PIAS2: variants seen among roughly 807,000 people sequenced by gnomAD.
The protein encoded by PIAS2 is protein inhibitor of activated STAT 2, also known as E3 SUMO-protein ligase PIAS2.
A neutral mutation model predicts 69.7 loss-of-function variants in PIAS2; 19 were observed. The ratio of observed to expected loss-of-function variants is 0.27; its 90% CI spans 0.19 to 0.40. The LOEUF (loss-of-function observed/expected upper bound fraction) is 0.40, where lower values mean the gene tolerates loss of function less well. PIAS2 is among the 10% of genes least tolerant of loss of function. The pLI is 1.00. For missense variants in PIAS2, 624 were observed against 757.0 expected (o/e 0.82, Z 2.06); for synonymous variants, 261 against 263.2 (o/e 0.99, Z 0.08).
chr18:46,875,600 C>G (rs2051051447), intron 2 of PIAS2, among the ~76,000 whole-genome samples: 1 of 152,136 alleles, frequency 6.6e-6, no homozygotes, highest in African/African-American at 2.4e-5. Context: ...AACACTTTCC[C>G]CAAACATATC....
At chr18:46,862,277 G>A (rs2048778312) in intron 3 of PIAS2, among the ~76,000 whole-genome samples, 1 of 152,096 alleles carries the variant, frequency 6.6e-6, no homozygotes, top group Non-Finnish European at 1.5e-5. Flanking sequence ...GTTGCAGTGA[G>A]CCAAGATCAT....
chr18:46,869,057 G>C (rs1270559421), intron 2 of PIAS2, among the ~76,000 whole-genome samples: 1 of 152,236 alleles, frequency 6.6e-6, no homozygotes, highest in African/African-American at 2.4e-5. Flanking sequence ...GCTTGAATGT[G>C]TGTGAATGAG....
At chr18:46,915,227 G>T (rs1250555210) in intron 1 of PIAS2, 1 of 152,136 alleles carries the variant, frequency 6.6e-6, no homozygotes, top group African/African-American at 2.4e-5. Flanking sequence ...TGAAAAAATT[G>T]TGAGAATTAA....
At chr18:46,904,670 G>C (rs969752052) in intron 1 of PIAS2, among the ~76,000 whole-genome samples, 1 of 151,070 alleles carries the variant, frequency 6.6e-6, no homozygotes, top group African/African-American at 2.4e-5. Context: ...AGAATCACTT[G>C]AACCCACGAG....
chr18:46,913,697 T>C (rs1026942381), intron 1 of PIAS2, among the ~76,000 whole-genome samples: 1 of 152,122 alleles, frequency 6.6e-6, no homozygotes, highest in Non-Finnish European at 1.5e-5. Flanking sequence ...GACCACAATA[T>C]TGGAAATATG....
At chr18:46,844,428 G>A (rs944878366) in intron 7 of PIAS2, among the ~76,000 whole-genome samples, 28 of 152,200 alleles carry the variant, frequency 1.8e-4, no homozygotes, top group African/African-American at 5.8e-4. Flanking sequence ...TACCCTGAGC[G>A]TCAAAGCTTT....
At chr18:46,886,104 C>G (rs1162919914) in intron 2 of PIAS2, among the ~76,000 whole-genome samples, 2 of 152,158 alleles carry the variant, frequency 1.3e-5, no homozygotes, top group Admixed American at 1.3e-4. Flanking sequence ...ACTACAGCAT[C>G]TTCACTTAGT....
chr18:46,893,843 T>C (rs989906454), intron 1 of PIAS2, among the ~76,000 whole-genome samples: 1 of 152,068 alleles, frequency 6.6e-6, no homozygotes, highest in African/African-American at 2.4e-5. Context: ...ATCCCTCTCC[T>C]TGGCCAGGCA....
intron 2 of PIAS2, among the ~76,000 whole-genome samples, chr18:46,864,595 ACC>A (rs1881394739): frequency 6.6e-6 from 1 of 152,074 alleles, no homozygotes; most frequent in Non-Finnish European, 1.5e-5. Context: ...ACATGGAGAA[ACC>A]CCATCTCTAC....
intron 10 of PIAS2, among the ~76,000 whole-genome samples, chr18:46,829,045 G>A (rs890786999): frequency 1.8e-4 from 28 of 152,204 alleles, no homozygotes; most frequent in African/African-American, 6.7e-4. Context: ...AACTTCAAAT[G>A]TAATCAGAAC....
chr18:46,917,151 G>A (rs1599210550), intron 1 of PIAS2, 171 bp downstream of exon 1: 6 of 1,054,714 alleles, frequency 5.7e-6, no homozygotes, highest in Non-Finnish European at 4.6e-6. Flanking sequence ...GCCCTCCGCC[G>A]GCCCGCTCCC....
chr18:46,852,652 G>C (rs918180319), intron 5 of PIAS2: 2 of 152,190 alleles, frequency 1.3e-5, no homozygotes, highest in African/African-American at 4.8e-5. Context: ...AAAAGAACTG[G>C]AAGAGTAACA....
chr18:46,896,036 A>C (rs1179759264), intron 1 of PIAS2, among the ~76,000 whole-genome samples: 1 of 152,090 alleles, frequency 6.6e-6, no homozygotes. Context: ...CAGGGAAAAC[A>C]TCTCCCTAAA....
At chr18:46,866,214 A>C (rs1394166330) in intron 2 of PIAS2, among the ~76,000 whole-genome samples, 1 of 152,232 alleles carries the variant, frequency 6.6e-6, no homozygotes, top group Non-Finnish European at 1.5e-5. Flanking sequence ...AAGGATTTAC[A>C]AATCAAACTC....
At chr18:46,856,006 T>TG (rs1441404842) in intron 3 of PIAS2, among the ~76,000 whole-genome samples, 62 of 118,400 alleles carry the variant, frequency 5.2e-4, no homozygotes, top group Middle Eastern at 3.8e-3. Context: ...TGTTTTTTTT[T>TG]TTTTTTTTTT....
intron 5 of PIAS2, among the ~76,000 whole-genome samples, chr18:46,848,739 T>C (rs2046520961): frequency 6.6e-6 from 1 of 151,350 alleles, no homozygotes; most frequent in Non-Finnish European, 1.5e-5. Context: ...TAACTTGCAT[T>C]ATAATATGGA....
At chr18:46,876,061 G>A (rs2051136297) in intron 2 of PIAS2, among the ~76,000 whole-genome samples, 1 of 152,166 alleles carries the variant, frequency 6.6e-6, no homozygotes, top group Non-Finnish European at 1.5e-5. Context: ...GCCATTCCGA[G>A]AGCTGACCTA....
At chr18:46,817,841 A>G in intron 12 of PIAS2, 2 of 961,130 alleles carry the variant, frequency 2.1e-6, no homozygotes, top group Non-Finnish European at 2.5e-6. Context: ...GTCTTCTTGC[A>G]TTTTACATTT....
At chr18:46,816,509 GC>G (rs2041560238) in intron 12 of PIAS2, 1 of 901,832 alleles carries the variant, frequency 1.1e-6, no homozygotes, top group Non-Finnish European at 1.3e-6. Context: ...CACTGAGTCT[GC>G]TCTGTTGCCC....
Sources: gnomAD v4.1 joint callset for allele counts (sites outside exome capture counted in the v4.1 genomes callset) on GRCh38, gnomAD v4.1.1 for gene constraint, MANE v1.5 for transcripts, NCBI Gene and HGNC (gene_info 2026-07-23, HGNC 2026-07-21) for gene names.